CSMD1: variants seen among roughly 807,000 people sequenced by gnomAD.
CSMD1 encodes the protein CUB and sushi domain-containing protein 1.
In CSMD1, 213 loss-of-function variants were observed where a neutral mutation model predicts 417.5. That is an observed-to-expected ratio of 0.51 (90% CI 0.46 to 0.57). The LOEUF is 0.57. CSMD1 is among the 20% of genes least tolerant of loss of function. CSMD1 has a pLI of 0.00. For synonymous variants in CSMD1, 2,862 were observed against 1,736.8 expected (o/e 1.65, Z -16.11); for missense variants, 6,923 against 4,529.7 (o/e 1.53, Z -15.17).
chr8:4,458,115 A>T (rs565763002), intron 2 of CSMD1, among the ~76,000 whole-genome samples: 1 of 151,548 alleles, frequency 6.6e-6, no homozygotes, highest in Non-Finnish European at 1.5e-5. Flanking sequence ...TTTACATGAA[A>T]CTTTCTGTGT....
chr8:4,559,203 C>T (rs888837004), intron 2 of CSMD1, among the ~76,000 whole-genome samples: 1 of 152,058 alleles, frequency 6.6e-6, no homozygotes, highest in East Asian at 1.9e-4. Flanking sequence ...GCTTTAGTCT[C>T]TTATGACTTT....
intron 3 of CSMD1, among the ~76,000 whole-genome samples, chr8:4,089,626 A>C (rs961492204): frequency 3.3e-5 from 5 of 152,238 alleles, no homozygotes; most frequent in African/African-American, 1.2e-4. Context: ...TATGTGCACT[A>C]TTCTAAGGAA....
intron 3 of CSMD1, among the ~76,000 whole-genome samples, chr8:4,336,447 T>A (rs1457364881): frequency 6.6e-6 from 1 of 152,142 alleles, no homozygotes; most frequent in Non-Finnish European, 1.5e-5. Flanking sequence ...AATGTCAGCA[T>A]CTGTGCTATG....
chr8:3,564,420 G>C (rs1466348054), intron 10 of CSMD1, among the ~76,000 whole-genome samples: 1 of 151,916 alleles, frequency 6.6e-6, no homozygotes, highest in East Asian at 1.9e-4. Flanking sequence ...CAAGTCTATT[G>C]TCTACAGCTG....
At chr8:4,182,124 C>A (rs1349283742) in intron 3 of CSMD1, among the ~76,000 whole-genome samples, 1 of 150,662 alleles carries the variant, frequency 6.6e-6, no homozygotes, top group Non-Finnish European at 1.5e-5. Context: ...TTAAACACAC[C>A]AAAAGAAGAC....
chr8:4,271,395 T>G (rs561699383), intron 3 of CSMD1, among the ~76,000 whole-genome samples: 25 of 152,220 alleles, frequency 1.6e-4, no homozygotes, highest in African/African-American at 4.6e-4. Context: ...AAAAAATACG[T>G]AGCTTTGCCT....
intron 3 of CSMD1, among the ~76,000 whole-genome samples, chr8:4,166,623 C>T (rs1797472888): frequency 6.6e-6 from 1 of 152,026 alleles, no homozygotes; most frequent in African/African-American, 2.4e-5. Flanking sequence ...AGGATGGGAG[C>T]AGGGGACAGA....
chr8:4,359,461 C>G (rs1019830178), intron 3 of CSMD1, among the ~76,000 whole-genome samples: 2 of 152,202 alleles, frequency 1.3e-5, no homozygotes, highest in African/African-American at 4.8e-5. Context: ...CTAAGCCATT[C>G]TTTAAAAACA....
At chr8:2,951,931 CAT>C (rs1563174828) in intron 65 of CSMD1, among the ~76,000 whole-genome samples, 1 of 152,118 alleles carries the variant, frequency 6.6e-6, no homozygotes, top group Non-Finnish European at 1.5e-5. Flanking sequence ...TTCTTTTATA[CAT>C]GTCTTTTAAA....
At chr8:4,374,946 C>G (rs978114106) in intron 3 of CSMD1, among the ~76,000 whole-genome samples, 1 of 54,546 alleles carries the variant, frequency 1.8e-5, no homozygotes, top group Non-Finnish European at 2.9e-5. Context: ...AATGATTAAA[C>G]AGACAAAGGT....
intron 3 of CSMD1, among the ~76,000 whole-genome samples, chr8:4,095,412 G>A (rs1181974854): frequency 6.6e-6 from 1 of 150,866 alleles, no homozygotes; most frequent in Non-Finnish European, 1.5e-5. Flanking sequence ...AAAAAAAAAT[G>A]ACAATAGTGC....
chr8:4,476,398 G>C (rs780883911), intron 2 of CSMD1, among the ~76,000 whole-genome samples: 3 of 152,150 alleles, frequency 2.0e-5, no homozygotes, highest in African/African-American at 7.2e-5. Context: ...AATTTTGGTA[G>C]TTAAGTGTGA....
intron 3 of CSMD1, among the ~76,000 whole-genome samples, chr8:4,118,832 G>A (rs991610650): frequency 2.6e-5 from 4 of 152,116 alleles, no homozygotes; most frequent in African/African-American, 9.7e-5. Flanking sequence ...GCAAAGACTT[G>A]GAACCAACCC....
rs908178860 is a variant in CSMD1, at chr8:3,752,706, A to G, written c.931+1224T>C. 2.1e-5 allele frequency among the ~76,000 whole-genome samples: 3 copies of G among 141,440 alleles called. No homozygotes were observed. The East Asian group carries it at 6.3e-4, about 30-fold the overall frequency. 92.8% of individuals were successfully genotyped at this position (141,440 alleles called of 152,430 possible). ...AAAAAAAAAAAAAAAAAAAAAAAAC[A>G]TATTTTGTTGAAACGAATTTGCCCC... On this transcript the variant is annotated intron_variant, in intron 6 of 69. Coordinates refer to ENST00000635120, the MANE Select transcript of CSMD1 (RefSeq NM_033225.6).
intron 2 of CSMD1, among the ~76,000 whole-genome samples, chr8:4,497,111 C>T (rs1415649888): frequency 6.6e-6 from 1 of 152,138 alleles, no homozygotes; most frequent in African/African-American, 2.4e-5. Flanking sequence ...GCAGTGACAT[C>T]CCAGACAGCT....
At chr8:3,690,195 CA>C (rs1209561390) in intron 7 of CSMD1, among the ~76,000 whole-genome samples, 1 of 152,110 alleles carries the variant, frequency 6.6e-6, no homozygotes, top group Non-Finnish European at 1.5e-5. Flanking sequence ...CCTGTCTCTA[CA>C]AAAAATACAA....
chr8:4,551,522 C>T (rs1388968640), intron 2 of CSMD1, among the ~76,000 whole-genome samples: 2 of 152,106 alleles, frequency 1.3e-5, no homozygotes, highest in Non-Finnish European at 2.9e-5. Context: ...TGCTACCTGC[C>T]CAACCATCCC....
At chr8:4,715,272 T>G (rs1808581650) in intron 1 of CSMD1, among the ~76,000 whole-genome samples, 2 of 152,228 alleles carry the variant, frequency 1.3e-5, no homozygotes, top group Non-Finnish European at 2.9e-5. Flanking sequence ...CTGACAAAAT[T>G]ATTAAGGGTT....
At chr8:2,961,020 T>C in intron 62 of CSMD1, 121 bp downstream of exon 62, 1 of 389,924 alleles carries the variant, frequency 2.6e-6, no homozygotes, top group Non-Finnish European at 4.2e-6. Flanking sequence ...TTTGAACGAA[T>C]TTTATTCAGG....
Sources: gnomAD v4.1 joint callset for allele counts (sites outside exome capture counted in the v4.1 genomes callset) on GRCh38, gnomAD v4.1.1 for gene constraint, MANE v1.5 for transcripts, NCBI Gene and HGNC (gene_info 2026-07-23, HGNC 2026-07-21) for gene names.